SIM1: variants seen among roughly 807,000 people sequenced by gnomAD.
SIM1 encodes single-minded homolog 1.
SIM1 carries 18 observed loss-of-function variants against 78.2 expected under a neutral mutation model. The observed-to-expected ratio is 0.23, with a 90% CI of 0.16 to 0.34. SIM1 has a LOEUF of 0.34. Among genes scored for constraint, SIM1 ranks in the 10% least tolerant of loss-of-function variants. SIM1 has a pLI of 1.00. For missense variants in SIM1, 939 were observed against 975.1 expected (o/e 0.96, Z 0.49); for synonymous variants, 417 against 385.2 (o/e 1.08, Z -0.97).
At chr6:100,431,095 T>C (rs184497537) in intron 9 of SIM1, among the ~76,000 whole-genome samples, 3 of 152,228 alleles carry the variant, frequency 2.0e-5, no homozygotes, top group South Asian at 2.1e-4. Context: ...CTGTAGATTA[T>C]AGAAAAATAG....
chr6:100,440,783 A>C (rs1239510039), intron 9 of SIM1, among the ~76,000 whole-genome samples: 3 of 152,216 alleles, frequency 2.0e-5, no homozygotes, highest in African/African-American at 7.2e-5. Flanking sequence ...AGAACAGAGA[A>C]GGAAGTATTG....
chr6:100,436,275 A>G (rs1772046448), intron 9 of SIM1, among the ~76,000 whole-genome samples: 2 of 152,218 alleles, frequency 1.3e-5, no homozygotes, highest in African/African-American at 2.4e-5. Context: ...TTTTCCCTAC[A>G]GACACTGTCT....
At chr6:100,404,566 C>A (rs1341656978) in intron 10 of SIM1, among the ~76,000 whole-genome samples, 1 of 151,676 alleles carries the variant, frequency 6.6e-6, no homozygotes, top group Admixed American at 6.6e-5. Context: ...ACTAATGTAA[C>A]CCTGAAACAT....
chr6:100,394,255 A>G lies in SIM1; in HGVS notation c.1168-366T>C, dbSNP rs189629361. 1.9e-3 allele frequency among the ~76,000 whole-genome samples: 287 copies of G among 152,316 alleles called. 2 individuals are homozygous for G. Among genetic ancestry groups the G allele is most frequent in the Middle Eastern group, 6.8e-3 (2 of 294 alleles). ...AGTATCCCCAGTTTAGGGATAGAGA[A>G]GCTAACGCTCAGAGAGAGAAAGTGA... On this transcript the variant is annotated intron_variant, in intron 10 of 11. Transcript: ENST00000369208.
intron 10 of SIM1, among the ~76,000 whole-genome samples, chr6:100,407,382 C>T (rs1771077360): frequency 6.6e-6 from 1 of 152,076 alleles, no homozygotes; most frequent in Admixed American, 6.6e-5. Flanking sequence ...TAGGTTGTTT[C>T]CATGTCTTCA....
In SIM1 at chr6:100,463,894, C is replaced by A. The variant is rs1474934284; in HGVS notation, c.-426G>T. 6.2e-6 allele frequency: 1 copy of A among 160,058 alleles called. No homozygotes were observed. The highest frequency in any genetic ancestry group is 1.8e-4 in the East Asian group (1 of 5,628). 9.9% of individuals were successfully genotyped at this position (160,058 alleles called of 1,614,324 possible). A position where few individuals can be genotyped will look rare whatever the true frequency, so the allele number is the denominator to read the frequency against. ...GCGGCATTTAAGGTATCTCCGAGCC[C>A]CTTTGGGAAGAGCAGGAACCCCAGA... On this transcript the variant is annotated 5_prime_UTR_variant, in exon 2 of 12. Transcript: ENST00000369208.
chr6:100,395,145 C>G (rs1489297117), intron 10 of SIM1, among the ~76,000 whole-genome samples: 2 of 152,132 alleles, frequency 1.3e-5, no homozygotes, highest in Non-Finnish European at 2.9e-5. Context: ...TAATTTTTAC[C>G]AGTTTTTGGT....
At chr6:100,448,705 C>A (rs1772429995) in intron 6 of SIM1, 27 bp from the exon 7 acceptor site, 1 of 1,595,920 alleles carries the variant, frequency 6.3e-7, no homozygotes, top group Non-Finnish European at 8.5e-7. Flanking sequence ...GGGAGGGAGA[C>A]TCAGCCACAG....
At chr6:100,458,573 G>A (rs1427309757) in intron 2 of SIM1, among the ~76,000 whole-genome samples, 3 of 152,214 alleles carry the variant, frequency 2.0e-5, no homozygotes, top group Admixed American at 1.3e-4. Flanking sequence ...GGCAGGGGGC[G>A]GCTCCTGGGC....
At chr6:100,406,995 C>G (rs1277038389) in intron 10 of SIM1, among the ~76,000 whole-genome samples, 2 of 152,158 alleles carry the variant, frequency 1.3e-5, no homozygotes, top group African/African-American at 2.4e-5. Flanking sequence ...CCCCCACCCT[C>G]CAAGCCCTGA....
chr6:100,389,425 G>A lies in SIM1; in HGVS notation c.*936C>T, dbSNP rs1388284971. On this transcript the variant is annotated 3_prime_UTR_variant, in exon 12 of 12. Transcript: ENST00000369208. ...TTTCCTTTTATTTTTGCACCTATTG[G>A]TCTTTTTTCTGGGTGAATTGGTTTG... The A allele has an allele frequency of 5.1e-6, 2 of 393,010 alleles. No individual in the cohort carries two copies. Among genetic ancestry groups the A allele is most frequent in the Non-Finnish European group, 9.0e-6 (2 of 222,836 alleles). The allele number at this position is 393,010 out of a possible 1,614,324, so 24.3% of individuals were successfully genotyped here. A position where few individuals can be genotyped will look rare whatever the true frequency, so the allele number is the denominator to read the frequency against.
At position 100,420,963 on chromosome 6, in the gene SIM1, AG is replaced by A. The variant is rs1371159396; in HGVS notation, c.999-6del. 2.5e-6 allele frequency: 4 copies of A among 1,612,126 alleles called. No individual in the cohort carries two copies. Among genetic ancestry groups the A allele is most frequent in the Non-Finnish European group, 3.4e-6 (4 of 1,179,214 alleles). On this transcript the variant is annotated splice_polypyrimidine_tract_variant and splice_region_variant and intron_variant, in intron 9 of 11. Coordinates refer to ENST00000369208, the MANE Select transcript of SIM1 (RefSeq NM_005068.3). ...AGCCCTTTGTATTCTGTGTCTCTGC[AG>A]GGTGGGAGGACAAAGCCCTTAATCA... is the stretch of plus-strand genomic sequence containing the variant.
At chr6:100,428,680 G>C (rs1425150698) in intron 9 of SIM1, among the ~76,000 whole-genome samples, 3 of 144,840 alleles carry the variant, frequency 2.1e-5, no homozygotes, top group Non-Finnish European at 2.9e-5. Flanking sequence ...TTATCCGAGG[G>C]AGTACATTCT....
At chr6:100,434,525 A>G (rs1328066084) in intron 9 of SIM1, among the ~76,000 whole-genome samples, 3 of 152,220 alleles carry the variant, frequency 2.0e-5, no homozygotes, top group African/African-American at 7.2e-5. Context: ...AGTCACAAGA[A>G]CACGTTATAG....
chr6:100,397,969 C>T (rs558326300), intron 10 of SIM1, among the ~76,000 whole-genome samples: 3 of 152,122 alleles, frequency 2.0e-5, no homozygotes, highest in Admixed American at 6.5e-5. Context: ...TGAAATATCA[C>T]GATACACCTA....
intron 10 of SIM1, among the ~76,000 whole-genome samples, chr6:100,412,468 C>T (rs1771214204): frequency 6.7e-6 from 1 of 150,120 alleles, no homozygotes; most frequent in Non-Finnish European, 1.5e-5. Flanking sequence ...ACCCAGGAGG[C>T]AGAGTTTACA....
intron 10 of SIM1, among the ~76,000 whole-genome samples, chr6:100,403,535 G>A (rs188983709): frequency 3.2e-4 from 49 of 152,306 alleles, no homozygotes; most frequent in Non-Finnish European, 5.9e-4. Context: ...CACCTTCAAG[G>A]TGTTCACATT....
chr6:100,420,211 G>GTACAAATCCTATT (rs1771536889), intron 10 of SIM1, among the ~76,000 whole-genome samples: 2 of 152,098 alleles, frequency 1.3e-5, no homozygotes, highest in Non-Finnish European at 2.9e-5. Flanking sequence ...GTACCTTGCA[G>GTACAAATCCTATT]TGTTTCTGGA....
At chr6:100,453,588 T>A (rs959448704) in intron 3 of SIM1, among the ~76,000 whole-genome samples, 174 bp downstream of exon 3, 18 of 152,046 alleles carry the variant, frequency 1.2e-4, no homozygotes, top group African/African-American at 4.1e-4. Flanking sequence ...AAATTTTACT[T>A]TGCAGCAGCT....
Sources: gnomAD v4.1 joint callset for allele counts (sites outside exome capture counted in the v4.1 genomes callset) on GRCh38, gnomAD v4.1.1 for gene constraint, MANE v1.5 for transcripts, NCBI Gene and HGNC (gene_info 2026-07-23, HGNC 2026-07-21) for gene names.